The following AGTPBP1 variants were observed in gnomAD, a reference collection of about 807,000 sequenced individuals.
AGTPBP1 encodes ATP/GTP binding carboxypeptidase 1, also known as cytosolic carboxypeptidase 1.
AGTPBP1 carries 70 observed loss-of-function variants against 143.9 expected under a neutral mutation model. The ratio of observed to expected loss-of-function variants is 0.49; its 90% CI spans 0.40 to 0.59. AGTPBP1 has a LOEUF of 0.59. Ranked by LOEUF, AGTPBP1 falls within the 20% of genes least tolerant of loss-of-function variation. AGTPBP1 has a pLI of 0.00. For synonymous variants in AGTPBP1, 463 were observed against 500.2 expected, an observed-to-expected ratio of 0.93 and a Z score of 0.99; for missense variants, 1,229 against 1,464.5, an observed-to-expected ratio of 0.84 and a Z score of 2.62.
Position 85,692,584 on chromosome 9 carries a change from A to C in AGTPBP1, c.157+105T>G, listed in dbSNP as rs74476518. On this transcript the variant is annotated intron_variant, in intron 3 of 25. Coordinates refer to ENST00000357081, the MANE Select transcript of AGTPBP1 (RefSeq NM_001330701.2). ...CCACCACACCCGGCCTGAAAGTTCA[A>C]TTTTTGTGGAAAATCATCCATTATT... is the stretch of plus-strand genomic sequence containing the variant. 4.5e-3 allele frequency: 6,493 copies of C among 1,444,874 alleles called. 246 individuals carry two copies. In the African/African-American group the frequency reaches 0.078, roughly 17 times the overall value. 89.5% of individuals were successfully genotyped at this position (1,444,874 alleles called of 1,614,324 possible).
chr9:85,615,249 A>G (rs1830542296), intron 17 of AGTPBP1, among the ~76,000 whole-genome samples: 1 of 152,132 alleles, frequency 6.6e-6, no homozygotes, highest in African/African-American at 2.4e-5. Flanking sequence ...ATACTTCACC[A>G]GCACTGTAGT....
chr9:85,596,549 GAAGTA>G (rs1829312736), intron 17 of AGTPBP1, 100 bp from the exon 18 acceptor site: 2 of 721,004 alleles, frequency 2.8e-6, no homozygotes, highest in African/African-American at 3.6e-5. Context: ...CAGGAAAGCA[GAAGTA>G]AATTACATTT....
intron 13 of AGTPBP1, among the ~76,000 whole-genome samples, chr9:85,639,737 G>T (rs550294940): frequency 6.6e-6 from 1 of 152,104 alleles, no homozygotes; most frequent in Non-Finnish European, 1.5e-5. Flanking sequence ...ACAGACATAT[G>T]AATAAAAGAA....
intron 17 of AGTPBP1, among the ~76,000 whole-genome samples, chr9:85,606,365 C>T (rs1268547280): frequency 6.7e-6 from 1 of 149,806 alleles, no homozygotes; most frequent in African/African-American, 2.5e-5. Flanking sequence ...CATCTTACCC[C>T]AGTTAAAATG....
chr9:85,559,796 T>C (rs1272417574), intron 25 of AGTPBP1, among the ~76,000 whole-genome samples: 1 of 152,160 alleles, frequency 6.6e-6, no homozygotes, highest in Non-Finnish European at 1.5e-5. Context: ...GCACAACAGT[T>C]CCGAGAAATC....
rs118166641 is a variant in AGTPBP1 at position 85,582,140 on chromosome 9, G to A, written c.3166-3044C>T. 9.8e-3 allele frequency among the ~76,000 whole-genome samples: 1,490 copies of A among 152,146 alleles called. 15 individuals carry two copies. Among genetic ancestry groups the A allele is most frequent in the African/African-American group, 0.027 (1,113 of 41,518 alleles). Reference sequence around the variant, plus strand: ...TTTTCATTTTTCTGTCACCCTTAACGTTAATATCTTAACCATAGTTCAGTA... The same window carrying A: ...TTTTCATTTTTCTGTCACCCTTAACATTAATATCTTAACCATAGTTCAGTA... On this transcript the variant is annotated intron_variant, in intron 23 of 25. Coordinates refer to ENST00000357081, the MANE Select transcript of AGTPBP1 (RefSeq NM_001330701.2).
chr9:85,569,395 T>C (rs756384884), intron 25 of AGTPBP1, among the ~76,000 whole-genome samples: 124 of 152,142 alleles, frequency 8.2e-4, no homozygotes, highest in East Asian at 5.8e-4. Flanking sequence ...TACTATATTA[T>C]ATTACTATAA....
chr9:85,664,179 G>A (rs1834002590), intron 8 of AGTPBP1, among the ~76,000 whole-genome samples: 2 of 152,202 alleles, frequency 1.3e-5, no homozygotes, highest in African/African-American at 4.8e-5. Context: ...GAGAAGCAAG[G>A]GAAGAATTAC....
intron 13 of AGTPBP1, among the ~76,000 whole-genome samples, chr9:85,634,771 A>AT (rs1447451803): frequency 6.6e-6 from 1 of 152,194 alleles, no homozygotes; most frequent in Non-Finnish European, 1.5e-5. Context: ...GTTTATAATG[A>AT]TTTCCTAAGC....
At chr9:85,719,349 T>C (rs1837947060) in intron 1 of AGTPBP1, among the ~76,000 whole-genome samples, 1 of 152,236 alleles carries the variant, frequency 6.6e-6, no homozygotes, top group East Asian at 1.9e-4. Context: ...TGTTGAGCAG[T>C]GGTTTGTAGT....
chr9:85,698,366 C>T lies in AGTPBP1; in HGVS notation c.33-5553G>A, dbSNP rs148811713. The stretch of plus-strand genomic sequence containing the variant: ...TTAAAGGCAAATAAATGGAAATAAA[C>T]AGTTAAATCAATCTATTTTTATTTT... On this transcript the variant is annotated intron_variant, in intron 2 of 25. Coordinates refer to ENST00000357081, the MANE Select transcript of AGTPBP1 (RefSeq NM_001330701.2). 3.9e-5 allele frequency among the ~76,000 whole-genome samples: 6 copies of T among 152,212 alleles called. No homozygotes were observed. The East Asian group carries it at 1.2e-3, about 29-fold the overall frequency.
intron 6 of AGTPBP1, among the ~76,000 whole-genome samples, chr9:85,676,959 C>T (rs943103810): frequency 2.6e-5 from 4 of 152,076 alleles, no homozygotes; most frequent in African/African-American, 9.7e-5. Context: ...TCAATGTTCT[C>T]TTTCATATGC....
chr9:85,690,986 G>C (rs1191880232), intron 3 of AGTPBP1, among the ~76,000 whole-genome samples: 1 of 152,188 alleles, frequency 6.6e-6, no homozygotes, highest in Admixed American at 6.5e-5. Flanking sequence ...ATGGACAAAA[G>C]TGTTTATCTA....
intron 13 of AGTPBP1, among the ~76,000 whole-genome samples, chr9:85,641,225 T>C (rs893994588): frequency 6.6e-6 from 1 of 152,178 alleles, no homozygotes; most frequent in Non-Finnish European, 1.5e-5. Context: ...ACAGAAAAAG[T>C]AGAAGGTACA....
chr9:85,740,538 TTAAA>T (rs1357204359), intron 1 of AGTPBP1, among the ~76,000 whole-genome samples: 2 of 152,372 alleles, frequency 1.3e-5, no homozygotes, highest in East Asian at 1.9e-4. Context: ...TTAAAGTTCC[TTAAA>T]TAAATCATTT....
chr9:85,715,762 T>G (rs2134533024), intron 1 of AGTPBP1, among the ~76,000 whole-genome samples: 1 of 152,254 alleles, frequency 6.6e-6, no homozygotes, highest in South Asian at 2.1e-4. Context: ...TACAATATGG[T>G]GTAACAGAAA....
At chr9:85,555,973 G>A (rs2132774802) in intron 25 of AGTPBP1, among the ~76,000 whole-genome samples, 1 of 152,108 alleles carries the variant, frequency 6.6e-6, no homozygotes, top group Non-Finnish European at 1.5e-5. Context: ...AAACCCTAGG[G>A]CTTACTTTAG....
At chr9:85,557,914 GGA>G (rs1826454137) in intron 25 of AGTPBP1, among the ~76,000 whole-genome samples, 1 of 152,028 alleles carries the variant, frequency 6.6e-6, no homozygotes, top group Non-Finnish European at 1.5e-5. Flanking sequence ...ATAATGCTGG[GGA>G]CAGGACTACA....
chr9:85,586,400 C>A (rs1828610206), intron 22 of AGTPBP1, among the ~76,000 whole-genome samples: 1 of 152,138 alleles, frequency 6.6e-6, no homozygotes, highest in Admixed American at 6.5e-5. Context: ...ATAATATACA[C>A]ATTAATATAA....
Sources: gnomAD v4.1 joint callset for allele counts (sites outside exome capture counted in the v4.1 genomes callset) on GRCh38, gnomAD v4.1.1 for gene constraint, MANE v1.5 for transcripts, NCBI Gene and HGNC (gene_info 2026-07-23, HGNC 2026-07-21) for gene names.